Variants in MEGF11 observed in about 807,000 individuals in gnomAD.
MEGF11 encodes multiple EGF like domains 11.
MEGF11 carries 126 observed loss-of-function variants against 146.6 expected under a neutral mutation model. The observed-to-expected ratio is 0.86, with a 90% CI of 0.74 to 1.00. MEGF11 has a LOEUF of 1.00. MEGF11 is among the 50% of genes least tolerant of loss of function. The probability of loss-of-function intolerance (pLI) is 0.00; values close to 1 mark genes in which losing one functional copy is unlikely to be tolerated. For synonymous variants in MEGF11, 532 were observed against 583.4 expected (o/e 0.91, Z 1.27); for missense variants, 1,509 against 1,521.2 (o/e 0.99, Z 0.13).
At chr15:65,943,215 C>T (rs1250449295) in intron 10 of MEGF11, among the ~76,000 whole-genome samples, 2 of 151,962 alleles carry the variant, frequency 1.3e-5, no homozygotes, top group African/African-American at 4.8e-5. Flanking sequence ...TGATCTCAGG[C>T]GATCCACCTG....
chr15:66,027,551 G>A (rs1353686021), intron 5 of MEGF11, among the ~76,000 whole-genome samples: 14 of 152,172 alleles, frequency 9.2e-5, no homozygotes, highest in Non-Finnish European at 4.4e-5. Context: ...CTGCCCCACT[G>A]CAGGTCCACT....
intron 5 of MEGF11, among the ~76,000 whole-genome samples, chr15:66,018,210 A>G (rs963679801): frequency 7.2e-5 from 11 of 152,148 alleles, no homozygotes; most frequent in African/African-American, 2.4e-4. Flanking sequence ...CTCGGGGTCC[A>G]TGGAGCCCCC....
intron 5 of MEGF11, among the ~76,000 whole-genome samples, chr15:66,009,593 GT>G (rs757140653): frequency 0.43 from 25,510 of 58,744 alleles, 2,351 homozygotes; most frequent in East Asian, 0.66. Context: ...GTCACATATG[GT>G]TTTTTTTTTT....
intron 1 of MEGF11, among the ~76,000 whole-genome samples, chr15:66,203,244 C>T (rs1282571507): frequency 3.3e-5 from 5 of 152,216 alleles, no homozygotes; most frequent in Non-Finnish European, 5.9e-5. Flanking sequence ...CGGAGAGCAT[C>T]GGGCCACTGA....
rs1172555361 is a variant in MEGF11, at chr15:65,909,826, G to A, written c.2830-20C>T. On this transcript the variant is annotated intron_variant, in intron 21 of 25. Coordinates refer to ENST00000395614, the MANE Select transcript of MEGF11 (RefSeq NM_001385028.1). Reference sequence around the variant, plus strand: ...ACTGAGCTGTTTGGAGAGTAGGAGAGCCAGTTAATATCTAGTGCCCCAGGT... The same window carrying A: ...ACTGAGCTGTTTGGAGAGTAGGAGAACCAGTTAATATCTAGTGCCCCAGGT... 3.2e-6 allele frequency: 5 copies of A among 1,553,408 alleles called. No individual in the cohort carries two copies. In the African/African-American group the frequency reaches 4.1e-5, roughly 13 times the overall value.
At chr15:65,942,920 A>C (rs2080051475) in intron 10 of MEGF11, among the ~76,000 whole-genome samples, 1 of 150,978 alleles carries the variant, frequency 6.6e-6, no homozygotes, top group Admixed American at 6.6e-5. Flanking sequence ...GTTTCATGAT[A>C]TCCATAGTGC....
intron 1 of MEGF11, among the ~76,000 whole-genome samples, chr15:66,184,674 C>T (rs1367141892): frequency 1.3e-5 from 2 of 151,608 alleles, no homozygotes; most frequent in Admixed American, 1.3e-4. Context: ...CCCCCTCAAC[C>T]CCTCTTTCCA....
chr15:66,214,661 C>T (rs1348311688), intron 1 of MEGF11, among the ~76,000 whole-genome samples: 1 of 152,198 alleles, frequency 6.6e-6, no homozygotes, highest in Non-Finnish European at 1.5e-5. Flanking sequence ...CACCTCCTCT[C>T]TCCTGGGAGC....
intron 24 of MEGF11, among the ~76,000 whole-genome samples, chr15:65,902,701 C>A (rs2078524649): frequency 6.6e-6 from 1 of 152,220 alleles, no homozygotes; most frequent in Admixed American, 6.5e-5. Flanking sequence ...GGGAGTCACT[C>A]CTCCAAGGCT....
chr15:66,160,278 T>TCTCTCA, intron 1 of MEGF11, among the ~76,000 whole-genome samples: 1 of 149,648 alleles, frequency 6.7e-6, no homozygotes, highest in South Asian at 2.1e-4. Flanking sequence ...TCTCTCTCTC[T>TCTCTCA]CACTGCTTTC....
chr15:66,138,564 G>A (rs2088999852), intron 1 of MEGF11, among the ~76,000 whole-genome samples: 1 of 152,132 alleles, frequency 6.6e-6, no homozygotes, highest in Admixed American at 6.6e-5. Flanking sequence ...GTCACGGCCG[G>A]CACTTCACCT....
intron 10 of MEGF11, among the ~76,000 whole-genome samples, chr15:65,952,271 T>C (rs546326131): frequency 4.0e-5 from 6 of 151,888 alleles, no homozygotes; most frequent in African/African-American, 1.5e-4. Flanking sequence ...GAGATTAGGG[T>C]AGACTAGGTT....
chr15:66,001,433 G>A (rs771167797), intron 5 of MEGF11, among the ~76,000 whole-genome samples: 6 of 152,142 alleles, frequency 3.9e-5, no homozygotes, highest in South Asian at 2.1e-4. Context: ...CTCCAGAGCC[G>A]GGTAGAGGAT....
chr15:66,082,690 A>AAAAAAAAAAAAAAAAAG, intron 5 of MEGF11, among the ~76,000 whole-genome samples: 1 of 147,594 alleles, frequency 6.8e-6, no homozygotes, highest in African/African-American at 2.5e-5. Context: ...AAAAAAAAAA[A>AAAAAAAAAAAAAAAAAG]GGGCGGTGCG....
intron 1 of MEGF11, among the ~76,000 whole-genome samples, chr15:66,205,658 G>C (rs530567642): frequency 6.6e-6 from 1 of 152,328 alleles, no homozygotes; most frequent in African/African-American, 2.4e-5. Flanking sequence ...TGTCAGTGGA[G>C]ACCATGTGGT....
At chr15:66,241,770 G>C (rs941478739) in intron 1 of MEGF11, among the ~76,000 whole-genome samples, 3 of 152,216 alleles carry the variant, frequency 2.0e-5, no homozygotes, top group Admixed American at 6.5e-5. Context: ...CTGACACACA[G>C]AGACACAGCT....
At chr15:66,191,048 C>T (rs1350277891) in intron 1 of MEGF11, among the ~76,000 whole-genome samples, 1 of 152,130 alleles carries the variant, frequency 6.6e-6, no homozygotes, top group African/African-American at 2.4e-5. Context: ...CCCGGCTGGA[C>T]TTCCAGGGAT....
intron 1 of MEGF11, among the ~76,000 whole-genome samples, chr15:66,236,600 C>T (rs1315280806): frequency 6.6e-6 from 1 of 152,136 alleles, no homozygotes; most frequent in East Asian, 1.9e-4. Flanking sequence ...AATGAGAGGG[C>T]GTCCTGAGAA....
chr15:66,127,985 T>C (rs535666517), intron 2 of MEGF11, among the ~76,000 whole-genome samples: 175 of 152,344 alleles, frequency 1.1e-3, no homozygotes, highest in African/African-American at 4.1e-3. Context: ...CCCCACTTAC[T>C]GCACCCCATC....
Sources: allele counts gnomAD v4.1 joint callset (sites outside exome capture counted in the v4.1 genomes callset), GRCh38; gene constraint gnomAD v4.1.1; transcripts MANE v1.5; gene names NCBI Gene and HGNC (gene_info 2026-07-23, HGNC 2026-07-21).